The following EML5 variants were observed in gnomAD, a reference collection of about 807,000 sequenced individuals.
The protein encoded by EML5 is EMAP like 5.
EML5 carries 120 observed loss-of-function variants against 250.0 expected under a neutral mutation model. That is an observed-to-expected ratio of 0.48 (90% confidence interval 0.41 to 0.56). The LOEUF (loss-of-function observed/expected upper bound fraction) is 0.56, where lower values mean the gene tolerates loss of function less well. Ranked by LOEUF, EML5 falls within the 20% of genes least tolerant of loss-of-function variation. EML5 has a pLI of 0.00. For synonymous variants in EML5, 771 were observed against 806.5 expected (o/e 0.96, Z 0.75); for missense variants, 2,006 against 2,437.6 (o/e 0.82, Z 3.73).
At position 88,618,469 on chromosome 14, in the gene EML5, AACTT is replaced by A. The variant is rs531799749; in HGVS notation, c.5539-142_5539-139del. 1.2e-4 allele frequency: 136 copies of A among 1,088,930 alleles called. No individual in the cohort carries two copies. In the East Asian group the frequency reaches 3.2e-3, roughly 26 times the overall value. The allele number at this position is 1,088,930 out of a possible 1,614,324, so 67.5% of individuals were successfully genotyped here. On this transcript the variant is annotated intron_variant, in intron 40 of 43. Transcript: ENST00000554922. ...TAAGTATGCAAAAGATCACTACAAA[AACTT>A]AATAGGAGAAAAGCTCTGATAAGTG...
chr14:88,702,063 A>G (rs144568994), intron 14 of EML5, among the ~76,000 whole-genome samples: 2 of 152,300 alleles, frequency 1.3e-5, no homozygotes, highest in South Asian at 2.1e-4. Context: ...ATAAAGAGAC[A>G]TAGTCCTTTG....
chr14:88,745,070 T>G (rs978052299), intron 3 of EML5, among the ~76,000 whole-genome samples: 1 of 152,062 alleles, frequency 6.6e-6, no homozygotes, highest in Non-Finnish European at 1.5e-5. Flanking sequence ...AAATTCCAAA[T>G]AGTCATGTGC....
chr14:88,664,316 C>T (rs1044182505), intron 23 of EML5, among the ~76,000 whole-genome samples, 177 bp downstream of exon 23: 2 of 150,764 alleles, frequency 1.3e-5, no homozygotes, highest in African/African-American at 4.9e-5. Flanking sequence ...AAAGAAAAGT[C>T]TCAACTCTAT....
chr14:88,778,398 G>A (rs1238315391), intron 1 of EML5, among the ~76,000 whole-genome samples: 1 of 152,180 alleles, frequency 6.6e-6, no homozygotes, highest in Non-Finnish European at 1.5e-5. Flanking sequence ...ACTTTTCTCA[G>A]AAGCCACTGT....
intron 1 of EML5, among the ~76,000 whole-genome samples, chr14:88,774,553 G>C (rs955570684): frequency 5.3e-5 from 8 of 152,008 alleles, no homozygotes; most frequent in Admixed American, 5.2e-4. Context: ...GCAAAACTTC[G>C]CTAAGGTGAA....
At chr14:88,628,272 G>A (rs1284009243) in intron 33 of EML5, among the ~76,000 whole-genome samples, 2 of 152,102 alleles carry the variant, frequency 1.3e-5, no homozygotes, top group Non-Finnish European at 2.9e-5. Context: ...GACAAAGGCA[G>A]TAGATAGGAA....
Position 88,658,174 on chromosome 14 carries a change from T to C in EML5, c.3877+13A>G. 3 of 1,613,144 alleles carry C rather than the reference T, an allele frequency of 1.9e-6. No individual in the cohort carries two copies. Among genetic ancestry groups the C allele is most frequent in the Non-Finnish European group, 2.5e-6 (3 of 1,179,426 alleles). ...TCCCTATATTTTTGTTCAAGTATTA[T>C]AAAATGACGTACCCCCATCTTCTTC... On this transcript the variant is annotated intron_variant, in intron 26 of 43. Coordinates refer to ENST00000554922, the MANE Select transcript of EML5 (RefSeq NM_183387.3).
intron 31 of EML5, 94 bp from the exon 32 acceptor site, chr14:88,639,001 T>G: frequency 1.1e-6 from 1 of 917,708 alleles, no homozygotes; most frequent in Non-Finnish European, 1.6e-6. Flanking sequence ...TTTAACTTAT[T>G]TGCTTATTCA....
At position 88,685,044 on chromosome 14, in the gene EML5, T is replaced by C. The variant is rs1320702541; in HGVS notation, c.2953A>G (p.Lys985Glu). The change falls in exon 20 of 44, where the codon AAA (lysine) becomes GAA (glutamate). Residue 985 changes from lysine (K) to glutamate (E), a missense_variant. This residue lies in a region of EML5 where 1,375 missense variants were observed against 1,590.3 expected (regional missense o/e 0.86). Transcript: ENST00000554922. ...TKNGEILEVDKSGPITLLVQG... is the reference protein window; with the variant it reads ...TKNGEILEVDESGPITLLVQG... ...ACCAGAAGTGTTATTGGGCCACTTT[T>C]ATCCACTTCTAGTATTTCACCATTC... 1 of 1,609,122 alleles carries C rather than the reference T, an allele frequency of 6.2e-7. No homozygotes were observed. Among genetic ancestry groups the C allele is most frequent in the South Asian group, 1.1e-5 (1 of 90,216 alleles).
intron 21 of EML5, among the ~76,000 whole-genome samples, chr14:88,668,302 G>A (rs139006413): frequency 1.3e-3 from 196 of 152,280 alleles, no homozygotes; most frequent in African/African-American, 4.4e-3. Context: ...GAGAAGCGCT[G>A]GAGCAGTCCT....
chr14:88,649,181 C>T (rs1260326355), intron 28 of EML5, among the ~76,000 whole-genome samples: 1 of 152,040 alleles, frequency 6.6e-6, no homozygotes, highest in East Asian at 1.9e-4. Context: ...AGGGCTGCCA[C>T]CACACCCAGC....
At chr14:88,627,252 T>G in intron 34 of EML5, 1 of 583,928 alleles carries the variant, frequency 1.7e-6, no homozygotes, top group East Asian at 2.8e-5. Flanking sequence ...TAACTTTTCT[T>G]TATATAACGT....
chr14:88,640,085 C>T (rs2090974702), intron 31 of EML5, among the ~76,000 whole-genome samples: 2 of 152,010 alleles, frequency 1.3e-5, no homozygotes. Flanking sequence ...TACTAGGCCC[C>T]CCAAAAAGCA....
At chr14:88,710,692 A>G (rs575201896) in intron 10 of EML5, among the ~76,000 whole-genome samples, 11 of 152,168 alleles carry the variant, frequency 7.2e-5, no homozygotes, top group Admixed American at 1.3e-4. Context: ...GCTGACTCAC[A>G]AGTGCCTAGA....
rs1343630139 is a variant in EML5 at position 88,685,148 on chromosome 14, A to G, written c.2855-6T>C. 3.1e-6 allele frequency: 5 copies of G among 1,594,144 alleles called. No homozygotes were observed. The highest frequency in any genetic ancestry group is 4.3e-6 in the Non-Finnish European group (5 of 1,171,398). ...ATTATCTTCCAAGAGAAGACCTGAA[A>G]TGTTAAATGAAGATGTTCTTTTAGA... is the stretch of plus-strand genomic sequence containing the variant. On this transcript the variant is annotated splice_polypyrimidine_tract_variant and splice_region_variant and intron_variant, in intron 19 of 43. Transcript: ENST00000554922.
At chr14:88,694,079 G>T (rs973137362) in intron 17 of EML5, among the ~76,000 whole-genome samples, 2 of 151,388 alleles carry the variant, frequency 1.3e-5, no homozygotes, top group Admixed American at 6.6e-5. Context: ...AGCCAATGTT[G>T]ACATCTTATA....
At chr14:88,711,120 T>C (rs2093398653) in intron 10 of EML5, among the ~76,000 whole-genome samples, 1 of 152,052 alleles carries the variant, frequency 6.6e-6, no homozygotes, top group African/African-American at 2.4e-5. Context: ...TTAAAATTTG[T>C]TGTGCATGGT....
rs1157938832 is a variant in EML5 at position 88,792,529 on chromosome 14, G to GC, written c.-27dup. 4.9e-5 allele frequency: 63 copies of GC among 1,291,864 alleles called. No homozygotes were observed. Among genetic ancestry groups the GC allele is most frequent in the Non-Finnish European group, 6.1e-5 (62 of 1,014,140 alleles). 80.0% of individuals were successfully genotyped at this position (1,291,864 alleles called of 1,614,324 possible). A position where few individuals can be genotyped will look rare whatever the true frequency, so the allele number is the denominator to read the frequency against. ...GTCGGGGCGCCCACCCGCCGCTCCCGCTCGGGCCCGCGGCGGCGACGGGAG... is the reference window on the plus strand; with the variant it reads ...GTCGGGGCGCCCACCCGCCGCTCCCGCCTCGGGCCCGCGGCGGCGACGGGAG... On this transcript the variant is annotated 5_prime_UTR_variant, in exon 1 of 44. Transcript: ENST00000554922. This position sits in a 1 kb window ranked among gnomAD's most constrained non-coding sequence, Gnocchi z 6.9.
chr14:88,637,922 G>A (rs2090832783), intron 32 of EML5, among the ~76,000 whole-genome samples: 1 of 152,024 alleles, frequency 6.6e-6, no homozygotes, highest in African/African-American at 2.4e-5. Context: ...TGTACAAAAA[G>A]GAAAAACACA....
Sources: allele counts gnomAD v4.1 joint callset (sites outside exome capture counted in the v4.1 genomes callset), GRCh38; gene constraint gnomAD v4.1.1; regional missense constraint gnomAD v4.1.1; non-coding constraint Gnocchi (gnomAD v3.1); transcripts MANE v1.5; gene names NCBI Gene and HGNC (gene_info 2026-07-23, HGNC 2026-07-21).